CDC14B: variants seen among roughly 807,000 people sequenced by gnomAD.
The protein encoded by CDC14B is dual specificity protein phosphatase CDC14B.
A neutral mutation model predicts 64.2 loss-of-function variants in CDC14B; 22 were observed. That is an observed-to-expected ratio of 0.34 (90% CI 0.24 to 0.49). CDC14B has a LOEUF of 0.49. Ranked by LOEUF, CDC14B falls within the 20% of genes least tolerant of loss-of-function variation. The probability of loss-of-function intolerance (pLI) is 0.99; values close to 1 mark genes in which losing one functional copy is unlikely to be tolerated. For synonymous variants in CDC14B, 191 were observed against 215.8 expected, an observed-to-expected ratio of 0.89 and a Z score of 1.01; for missense variants, 498 against 629.9, an observed-to-expected ratio of 0.79 and a Z score of 2.24.
intron 1 of CDC14B, among the ~76,000 whole-genome samples, chr9:96,610,023 G>T (rs548129117): frequency 1.3e-5 from 2 of 152,056 alleles, no homozygotes; most frequent in South Asian, 4.2e-4. Flanking sequence ...TATAAATAAT[G>T]CTGAGATTAA....
In CDC14B at chr9:96,619,255, G is replaced by A. The variant is rs1847833782; in HGVS notation, c.124C>T (p.Arg42Trp). The A allele has an allele frequency of 2.2e-6, 3 of 1,359,664 alleles. No homozygotes were observed. Among genetic ancestry groups the A allele is most frequent in the Non-Finnish European group, 1.9e-6 (2 of 1,050,830 alleles). The allele number at this position is 1,359,664 out of a possible 1,614,324, so 84.2% of individuals were successfully genotyped here. The change falls in exon 1 of 14, where the codon CGG becomes TGG. Residue 42 changes from arginine to tryptophan, a missense_variant. By Grantham distance (101) the Arg-to-Trp change is moderately radical. Coordinates refer to ENST00000375241, the MANE Select transcript of CDC14B (RefSeq NM_033331.4). ...RSSTQQDPRR[R>W]DPQDDVYLDI... ...AGGTACACGTCGTCCTGGGGGTCCCGGCGGCGCGGGTCTTGCTGCGTGGAG... is the reference window on the plus strand; with the variant it reads ...AGGTACACGTCGTCCTGGGGGTCCCAGCGGCGCGGGTCTTGCTGCGTGGAG...
intron 1 of CDC14B, among the ~76,000 whole-genome samples, chr9:96,572,624 A>T (rs111655028): frequency 6.6e-5 from 10 of 152,354 alleles, no homozygotes; most frequent in African/African-American, 2.2e-4. Context: ...AGCATATGAA[A>T]AGAAAATTAA....
chr9:96,601,390 G>A (rs1846442361), intron 1 of CDC14B, among the ~76,000 whole-genome samples: 1 of 152,016 alleles, frequency 6.6e-6, no homozygotes, highest in Non-Finnish European at 1.5e-5. Context: ...CCAGCTACTT[G>A]GGAGGCTGAG....
intron 1 of CDC14B, among the ~76,000 whole-genome samples, chr9:96,604,231 T>A (rs1458829744): frequency 3.9e-5 from 6 of 152,178 alleles, no homozygotes; most frequent in South Asian, 4.1e-4. Flanking sequence ...GCTACAGTGA[T>A]GTTTATAAAG....
chr9:96,544,382 A>G (rs1022322578), intron 5 of CDC14B, among the ~76,000 whole-genome samples: 4 of 152,228 alleles, frequency 2.6e-5, no homozygotes, highest in Admixed American at 6.5e-5. Context: ...CCAAAACTAC[A>G]GCAATGAGGG....
chr9:96,514,787 C>T lies in CDC14B; in HGVS notation c.1344-4998G>A, dbSNP rs1835400139. 6.1e-6 allele frequency: 6 copies of T among 985,370 alleles called. No homozygotes were observed. In the South Asian group the frequency reaches 2.3e-4, roughly 39 times the overall value. The allele number at this position is 985,370 out of a possible 1,614,324, so 61.0% of individuals were successfully genotyped here. A position where few individuals can be genotyped will look rare whatever the true frequency, so the allele number is the denominator to read the frequency against. On this transcript the variant is annotated intron_variant, in intron 12 of 13. Coordinates refer to ENST00000375241, the MANE Select transcript of CDC14B (RefSeq NM_033331.4). ...GGACCCCGTGACACGGACACACCCG[C>T]CTTCTGGGGGTCTTCAACATGCTGT... is the stretch of plus-strand genomic sequence containing the variant.
chr9:96,497,928 G>A (rs866803060), downstream of CDC14B, among the ~76,000 whole-genome samples: 10 of 152,172 alleles, frequency 6.6e-5, 1 homozygote, highest in Middle Eastern at 6.8e-3. Flanking sequence ...ATTGTACCAA[G>A]CTGCTTTTTC....
chr9:96,492,789 A>G (rs1421146361), exon 14 of CDC14B: 1 of 152,132 alleles, frequency 6.6e-6, no homozygotes, highest in African/African-American at 2.4e-5. Context: ...GCTGCCCAAG[A>G]GGGAGGGGTC....
Position 96,502,594 on chromosome 9 carries a change from A to AT in CDC14B, c.*1158dup, listed in dbSNP as rs34988377. On this transcript the variant is annotated 3_prime_UTR_variant, in exon 14 of 14. Coordinates refer to ENST00000375241, the MANE Select transcript of CDC14B (RefSeq NM_033331.4). The stretch of plus-strand genomic sequence containing the variant: ...TATATATTCTTTTATTTCGGGCCCC[A>AT]TTTTTTTTTTTTTTTTTAGCAGCAC... The AT allele has an allele frequency of 1.4e-3, 348 of 253,116 alleles. No individual in the cohort carries two copies. Among genetic ancestry groups the AT allele is most frequent in the Middle Eastern group, 3.1e-3 (3 of 960 alleles). The allele number at this position is 253,116 out of a possible 1,614,324, so 15.7% of individuals were successfully genotyped here. A position where few individuals can be genotyped will look rare whatever the true frequency, so the allele number is the denominator to read the frequency against.
chr9:96,617,617 G>A (rs896026956), intron 1 of CDC14B, among the ~76,000 whole-genome samples: 2 of 152,132 alleles, frequency 1.3e-5, no homozygotes, highest in African/African-American at 4.8e-5. Context: ...CTACTCGCAC[G>A]TGTATGGTAG....
At chr9:96,596,616 T>C (rs1846093798) in intron 1 of CDC14B, among the ~76,000 whole-genome samples, 1 of 151,890 alleles carries the variant, frequency 6.6e-6, no homozygotes, top group Admixed American at 6.6e-5. Context: ...ATCCCAGCAT[T>C]TTAGGAGGCC....
intron 1 of CDC14B, among the ~76,000 whole-genome samples, chr9:96,574,212 G>A (rs1844653608): frequency 6.6e-6 from 1 of 151,274 alleles, no homozygotes; most frequent in Non-Finnish European, 1.5e-5. Flanking sequence ...GAAGAATTTA[G>A]GCAGTATTGG....
intron 1 of CDC14B, among the ~76,000 whole-genome samples, chr9:96,606,074 C>T (rs904321608): frequency 2.6e-5 from 4 of 151,808 alleles, no homozygotes; most frequent in Non-Finnish European, 5.9e-5. Flanking sequence ...TGGCTCATGC[C>T]TGTAATCCCA....
intron 1 of CDC14B, among the ~76,000 whole-genome samples, chr9:96,572,232 A>G (rs1844521070): frequency 6.6e-6 from 1 of 152,142 alleles, no homozygotes; most frequent in Non-Finnish European, 1.5e-5. Flanking sequence ...ATAATAAACT[A>G]GTAAGTGAGT....
intron 13 of CDC14B, among the ~76,000 whole-genome samples, chr9:96,494,766 TCCCCTCC>T (rs1202540180): frequency 2.9e-5 from 2 of 70,166 alleles, no homozygotes. Context: ...TCCCCTCCCG[TCCCCTCC>T]CCCCTCCCGT....
Position 96,503,601 on chromosome 9 carries a change from A to T in CDC14B, c.*152T>A. 3.1e-6 allele frequency: 2 copies of T among 653,086 alleles called. No individual in the cohort carries two copies. Among genetic ancestry groups the T allele is most frequent in the Non-Finnish European group, 5.3e-6 (2 of 374,530 alleles). The allele number at this position is 653,086 out of a possible 1,614,324, so 40.5% of individuals were successfully genotyped here. On this transcript the variant is annotated 3_prime_UTR_variant, in exon 14 of 14. Transcript: ENST00000375241. ...ACCCAAACTCAAAGTTCATTATTCA[A>T]ACTCCAGTGGACATTTTCTCCATTG... is the stretch of plus-strand genomic sequence containing the variant.
chr9:96,532,268 T>A lies in CDC14B; in HGVS notation c.946+1659A>T, dbSNP rs1332915938. Among the ~76,000 whole-genome samples, 3 of 152,236 alleles carry A rather than the reference T, an allele frequency of 2.0e-5. No individual in the cohort carries two copies. The East Asian group carries it at 5.8e-4, about 29-fold the overall frequency. ...GGAGTTTTGCCAGATGTAGAATTCT[T>A]AACAGGTTTTCCCTCACTTATGCAT... On this transcript the variant is annotated intron_variant, in intron 9 of 13. Coordinates refer to ENST00000375241, the MANE Select transcript of CDC14B (RefSeq NM_033331.4).
At chr9:96,575,612 T>C (rs1019141642) in intron 1 of CDC14B, among the ~76,000 whole-genome samples, 1 of 152,086 alleles carries the variant, frequency 6.6e-6, no homozygotes, top group Non-Finnish European at 1.5e-5. Context: ...CAGAATAAGA[T>C]GGTGGGAATA....
intron 5 of CDC14B, among the ~76,000 whole-genome samples, chr9:96,543,331 ACTCGT>A (rs1481881887): frequency 6.7e-6 from 1 of 148,964 alleles, no homozygotes; most frequent in Non-Finnish European, 1.5e-5. Context: ...GAGACTCGAG[ACTCGT>A]CTCAAAAAAA....
Sources: gnomAD v4.1 joint callset for allele counts (sites outside exome capture counted in the v4.1 genomes callset) on GRCh38, gnomAD v4.1.1 for gene constraint, MANE v1.5 for transcripts, NCBI Gene and HGNC (gene_info 2026-07-23, HGNC 2026-07-21) for gene names.